Variants in ARHGEF12 observed in about 807,000 individuals in gnomAD.
ARHGEF12 encodes KMT2A/ARHGEF12 fusion protein.
ARHGEF12 carries 66 observed loss-of-function variants against 211.2 expected under a neutral mutation model. The ratio of observed to expected loss-of-function variants is 0.31; its 90% CI spans 0.26 to 0.38. ARHGEF12 has a LOEUF of 0.38. Ranked by LOEUF, ARHGEF12 falls within the 10% of genes least tolerant of loss-of-function variation. The probability of loss-of-function intolerance (pLI) is 1.00; values close to 1 mark genes in which losing one functional copy is unlikely to be tolerated. For missense variants in ARHGEF12, 1,429 were observed against 1,869.5 expected (o/e 0.76, Z 4.34); for synonymous variants, 592 against 638.4 (o/e 0.93, Z 1.09).
intron 1 of ARHGEF12, among the ~76,000 whole-genome samples, chr11:120,369,310 G>A (rs935900515): frequency 1.3e-5 from 2 of 151,926 alleles, no homozygotes; most frequent in Non-Finnish European, 2.9e-5. Context: ...TATATGTTTA[G>A]TAGAGACGGG....
At position 120,403,505 on chromosome 11, in the gene ARHGEF12, G is replaced by A. The variant is rs181814926; in HGVS notation, c.33-2613G>A. ...CTGGGTGACAAAGCGAGACTTAATC[G>A]AAAAAAGAAAAGGAAAAAAAAAAAA... On this transcript the variant is annotated intron_variant, in intron 1 of 40. Coordinates refer to ENST00000397843, the MANE Select transcript of ARHGEF12 (RefSeq NM_015313.3). Among the ~76,000 whole-genome samples the A allele has an allele frequency of 3.7e-3, 545 of 145,568 alleles. 3 individuals are homozygous for A. Among genetic ancestry groups the A allele is most frequent in the Non-Finnish European group, 6.0e-3 (397 of 66,490 alleles).
At position 120,476,652 on chromosome 11, in the gene ARHGEF12, T is replaced by C. The variant is rs1947041464; in HGVS notation, c.3278-9T>C. The C allele has an allele frequency of 1.2e-6, 2 of 1,610,164 alleles. No individual in the cohort carries two copies. The highest frequency in any genetic ancestry group is 2.2e-5 in the South Asian group (2 of 90,370). ...TAGTATTAGAGTAATCTTGTATTGT[T>C]TTTTCCAGATAACAAAGCTTTATTC... On this transcript the variant is annotated splice_polypyrimidine_tract_variant and intron_variant, in intron 33 of 40. Transcript: ENST00000397843.
In ARHGEF12 at chr11:120,428,138, C is replaced by G; in HGVS notation, c.476C>G (p.Ser159Cys). ...PGSPQIPLAD[S>C]EVEPSVIGHM... ...TCGCCCCAGATTCCACTTGCCGACT[C>G]TGAAGTAGAGCCGTCAGTCATTGGA... is the stretch of plus-strand genomic sequence containing the variant. The change falls in exon 8 of 41, where the codon TCT (serine) becomes TGT (cysteine). Residue 159 changes from serine to cysteine, a missense_variant. Physicochemically the swap from Ser to Cys is moderately radical, Grantham distance 112. Coordinates refer to ENST00000397843, the MANE Select transcript of ARHGEF12 (RefSeq NM_015313.3). 1 of 1,609,842 alleles carries G rather than the reference C, an allele frequency of 6.2e-7. No homozygotes were observed. Among genetic ancestry groups the G allele is most frequent in the Non-Finnish European group, 8.5e-7 (1 of 1,178,260 alleles).
At chr11:120,459,600 G>GTA (rs923928118) in intron 26 of ARHGEF12, among the ~76,000 whole-genome samples, 7 of 151,894 alleles carry the variant, frequency 4.6e-5, no homozygotes, top group African/African-American at 1.2e-4. Flanking sequence ...ATCAATTATA[G>GTA]TATATATATC....
At chr11:120,360,822 A>T (rs1469834210) in intron 1 of ARHGEF12, among the ~76,000 whole-genome samples, 1 of 152,222 alleles carries the variant, frequency 6.6e-6, no homozygotes, top group Non-Finnish European at 1.5e-5. Context: ...TATTACGTTA[A>T]AAAAATTAAA....
chr11:120,440,289 G>A, intron 13 of ARHGEF12, 68 bp downstream of exon 13: 1 of 1,272,384 alleles, frequency 7.9e-7, no homozygotes, highest in South Asian at 1.2e-5. Flanking sequence ...TTGCAAAAAT[G>A]AGCACGTTCT....
intron 39 of ARHGEF12, 41 bp downstream of exon 39, chr11:120,481,617 A>C (rs1565518495): frequency 7.0e-6 from 11 of 1,576,188 alleles, no homozygotes; most frequent in Non-Finnish European, 9.6e-6. Context: ...GGTTGTAAGA[A>C]ACATTTAGCA....
chr11:120,482,562 G>A (rs1468764865), intron 39 of ARHGEF12, among the ~76,000 whole-genome samples: 3 of 151,982 alleles, frequency 2.0e-5, no homozygotes, highest in Admixed American at 1.3e-4. Flanking sequence ...TTGCTAACAC[G>A]GTGAAACCCC....
rs191158685 is a variant in ARHGEF12 at position 120,382,900 on chromosome 11, G to A, written c.33-23218G>A. 1.9e-3 allele frequency among the ~76,000 whole-genome samples: 282 copies of A among 152,322 alleles called. 1 individual carries two copies. Among genetic ancestry groups the A allele is most frequent in the Non-Finnish European group, 3.4e-3 (233 of 68,028 alleles). Reference sequence around the variant, plus strand: ...TCACGCCTGTAATCCCAGCACTTTGGGGGCCGAGGTGGGCAGATCACGAGG... The same window carrying A: ...TCACGCCTGTAATCCCAGCACTTTGAGGGCCGAGGTGGGCAGATCACGAGG... On this transcript the variant is annotated intron_variant, in intron 1 of 40. Transcript: ENST00000397843.
At chr11:120,429,677 T>G in intron 9 of ARHGEF12, 35 bp from the exon 10 acceptor site, 1 of 1,590,752 alleles carries the variant, frequency 6.3e-7, no homozygotes, top group Non-Finnish European at 8.6e-7. Context: ...TTTACATAAG[T>G]AATTAATTCT....
intron 1 of ARHGEF12, among the ~76,000 whole-genome samples, chr11:120,361,489 A>T (rs1943273335): frequency 6.6e-6 from 1 of 152,176 alleles, no homozygotes; most frequent in Non-Finnish European, 1.5e-5. Context: ...TCATCTATAG[A>T]ATCTATTCTT....
rs759343077 is a variant in ARHGEF12 at position 120,481,319 on chromosome 11, G to A, written c.4297G>A (p.Val1433Ile). ...PVQESSTDEE[V>I]ASSLTLQPMT... The stretch of plus-strand genomic sequence containing the variant: ...GCAGGAGAGTTCCACAGATGAGGAG[G>A]TTGCTTCCTCACTTACCCTGCAGCC... Residue 1433 changes from valine to isoleucine, a missense_variant, in exon 39 of 41, where the codon GTT becomes ATT. This residue lies in a region of ARHGEF12 where 467 missense variants were observed against 468.4 expected (regional missense o/e 1.00). Coordinates refer to ENST00000397843, the MANE Select transcript of ARHGEF12 (RefSeq NM_015313.3). The A allele has an allele frequency of 2.6e-5, 42 of 1,614,042 alleles. 1 individual carries two copies. The East Asian group carries it at 6.9e-4, about 27-fold the overall frequency.
intron 1 of ARHGEF12, among the ~76,000 whole-genome samples, chr11:120,359,328 A>C (rs1943216163): frequency 6.6e-6 from 1 of 152,144 alleles, no homozygotes; most frequent in African/African-American, 2.4e-5. Context: ...AGCCTAAAGC[A>C]GTCTCTCATC....
At chr11:120,409,117 C>T in intron 3 of ARHGEF12, 1 of 389,744 alleles carries the variant, frequency 2.6e-6, no homozygotes. Context: ...CTTTTGTCAT[C>T]TCTACAATTA....
At chr11:120,376,660 A>G (rs1364870749) in intron 1 of ARHGEF12, among the ~76,000 whole-genome samples, 3 of 152,152 alleles carry the variant, frequency 2.0e-5, no homozygotes, top group Non-Finnish European at 2.9e-5. Context: ...AAACATTCCA[A>G]TTATACTCTT....
chr11:120,411,179 T>A (rs1174723172), intron 4 of ARHGEF12: 1 of 152,216 alleles, frequency 6.6e-6, no homozygotes, highest in Non-Finnish European at 1.5e-5. Context: ...CTTCTCTGTG[T>A]GTTTGTTTTT....
Position 120,336,809 on chromosome 11 carries a change from G to A in ARHGEF12, c.-435G>A. ...GCAGCCCCAGATAGAGAGCCGGGAG[G>A]GAGGGCCCCGGCCCTTGCCGCGGCG... On this transcript the variant is annotated 5_prime_UTR_variant, in exon 1 of 41. Transcript: ENST00000397843. 3.1e-6 allele frequency: 1 copy of A among 320,776 alleles called. No individual in the cohort carries two copies. The highest frequency in any genetic ancestry group is 5.7e-6 in the Non-Finnish European group (1 of 176,464). The allele number at this position is 320,776 out of a possible 1,614,324, so 19.9% of individuals were successfully genotyped here. A position where few individuals can be genotyped will look rare whatever the true frequency, so the allele number is the denominator to read the frequency against.
chr11:120,485,636 T>G lies in ARHGEF12; in HGVS notation c.*559T>G. ...GGAAGGGAGGAGCACCTTGCTTCACTATACAGTATTCCAAGCTCTCTGCTG... is the reference window on the plus strand; with the variant it reads ...GGAAGGGAGGAGCACCTTGCTTCACGATACAGTATTCCAAGCTCTCTGCTG... On this transcript the variant is annotated 3_prime_UTR_variant, in exon 41 of 41. Transcript: ENST00000397843. The G allele has an allele frequency of 4.3e-6, 1 of 235,162 alleles. No individual in the cohort carries two copies. Among genetic ancestry groups the G allele is most frequent in the Non-Finnish European group, 8.4e-6 (1 of 119,098 alleles). The allele number at this position is 235,162 out of a possible 1,614,324, so 14.6% of individuals were successfully genotyped here. A position where few individuals can be genotyped will look rare whatever the true frequency, so the allele number is the denominator to read the frequency against.
chr11:120,385,874 G>C (rs1348169090), intron 1 of ARHGEF12, among the ~76,000 whole-genome samples: 1 of 152,030 alleles, frequency 6.6e-6, no homozygotes, highest in African/African-American at 2.4e-5. Flanking sequence ...ATTATTCTGT[G>C]AATTGTGATT....
Sources: gnomAD v4.1 joint callset for allele counts (sites outside exome capture counted in the v4.1 genomes callset) on GRCh38, gnomAD v4.1.1 for gene constraint, gnomAD v4.1.1 regional missense constraint, MANE v1.5 for transcripts, NCBI Gene and HGNC (gene_info 2026-07-23, HGNC 2026-07-21) for gene names.